Variants in SNX29 observed in about 807,000 individuals in gnomAD.
SNX29 encodes the protein sorting nexin-29.
In SNX29, 78 loss-of-function variants were observed where a neutral mutation model predicts 102.1. The ratio of observed to expected loss-of-function variants is 0.76; its 90% CI spans 0.64 to 0.92. The LOEUF is 0.92. Among genes scored for constraint, SNX29 ranks in the 40% least tolerant of loss-of-function variants. The pLI, the probability that SNX29 is intolerant of heterozygous loss-of-function variation, is 0.00. For synonymous variants in SNX29, 580 were observed against 414.5 expected (o/e 1.40, Z -4.85); for missense variants, 1,280 against 1,061.7 (o/e 1.21, Z -2.86).
At chr16:12,455,950 G>A (rs2086519662) in intron 18 of SNX29, among the ~76,000 whole-genome samples, 1 of 152,144 alleles carries the variant, frequency 6.6e-6, no homozygotes, top group Admixed American at 6.5e-5. Context: ...GCTCCTAGGG[G>A]TTTCCATCTT....
At chr16:12,491,052 A>T (rs531926212) in intron 19 of SNX29, among the ~76,000 whole-genome samples, 1 of 152,360 alleles carries the variant, frequency 6.6e-6, no homozygotes, top group African/African-American at 2.4e-5. Flanking sequence ...GTTCTTCACC[A>T]ATATCACATT....
intron 19 of SNX29, among the ~76,000 whole-genome samples, chr16:12,508,774 C>T (rs957573521): frequency 6.6e-6 from 1 of 152,094 alleles, no homozygotes; most frequent in Non-Finnish European, 1.5e-5. Flanking sequence ...AATGCCACGC[C>T]ACCTTCTCTC....
At chr16:12,147,657 G>A (rs1380219174) in intron 13 of SNX29, among the ~76,000 whole-genome samples, 1 of 152,220 alleles carries the variant, frequency 6.6e-6, no homozygotes, top group Non-Finnish European at 1.5e-5. Flanking sequence ...GCCGCAGCCC[G>A]TGGCTCAGTT....
At position 12,529,942 on chromosome 16, in the gene SNX29, C is replaced by G. The variant is rs146347473; in HGVS notation, c.2318+5101C>G. ...CAAAGTCCTCAGCGTTACCCAGTTGCCAGTAAGGAGTGGTGATGCCATGCA... is the reference window on the plus strand; with the variant it reads ...CAAAGTCCTCAGCGTTACCCAGTTGGCAGTAAGGAGTGGTGATGCCATGCA... On this transcript the variant is annotated intron_variant, in intron 20 of 20. Coordinates refer to ENST00000566228, the MANE Select transcript of SNX29 (RefSeq NM_032167.5). Among the ~76,000 whole-genome samples, 455 of 152,288 alleles carry G rather than the reference C, an allele frequency of 3.0e-3. 4 individuals carry two copies. Among genetic ancestry groups the G allele is most frequent in the African/African-American group, 0.011 (439 of 41,540 alleles).
intron 16 of SNX29, among the ~76,000 whole-genome samples, chr16:12,384,936 C>T (rs190902063): frequency 2.0e-5 from 3 of 152,196 alleles, no homozygotes; most frequent in Admixed American, 6.5e-5. Flanking sequence ...TTTGGGAGGC[C>T]GAGGCAGGTG....
chr16:12,439,293 C>A (rs1296277195), intron 18 of SNX29, among the ~76,000 whole-genome samples: 7 of 152,216 alleles, frequency 4.6e-5, no homozygotes, highest in Non-Finnish European at 8.8e-5. Flanking sequence ...CACCTAAGAG[C>A]CACTGGAAGT....
intron 13 of SNX29, among the ~76,000 whole-genome samples, chr16:12,180,586 C>G (rs2076360815): frequency 6.6e-6 from 1 of 152,050 alleles, no homozygotes; most frequent in African/African-American, 2.4e-5. Flanking sequence ...CGGGTTCACG[C>G]CATTCTCCTG....
At chr16:12,321,041 C>T (rs941159925) in intron 15 of SNX29, among the ~76,000 whole-genome samples, 2 of 152,182 alleles carry the variant, frequency 1.3e-5, no homozygotes, top group African/African-American at 4.8e-5. Context: ...TCCTCACCCT[C>T]CTCATCTAGC....
At chr16:12,422,816 A>G (rs771918407) in intron 18 of SNX29, among the ~76,000 whole-genome samples, 5 of 152,180 alleles carry the variant, frequency 3.3e-5, no homozygotes, top group South Asian at 2.1e-4. Context: ...CAGTCTGACA[A>G]TTTCACTTTT....
intron 20 of SNX29, among the ~76,000 whole-genome samples, chr16:12,552,058 C>T (rs943733316): frequency 3.3e-5 from 5 of 150,640 alleles, no homozygotes; most frequent in Admixed American, 1.3e-4. Flanking sequence ...ATTTTTGGGG[C>T]ACTGAATCTC....
intron 3 of SNX29, among the ~76,000 whole-genome samples, chr16:12,021,604 C>T (rs1231922050): frequency 3.3e-5 from 5 of 152,120 alleles, no homozygotes; most frequent in African/African-American, 7.2e-5. Flanking sequence ...AAATATAGGA[C>T]AGGCTGGGCT....
At chr16:12,332,399 C>G (rs2081316379) in intron 15 of SNX29, among the ~76,000 whole-genome samples, 1 of 152,168 alleles carries the variant, frequency 6.6e-6, no homozygotes, top group Non-Finnish European at 1.5e-5. Flanking sequence ...CTGGGTTGCT[C>G]ATTTGCTAGT....
chr16:12,189,344 C>T (rs539282407), intron 13 of SNX29, among the ~76,000 whole-genome samples: 16 of 152,174 alleles, frequency 1.1e-4, no homozygotes, highest in African/African-American at 3.6e-4. Flanking sequence ...CATGTCTGTT[C>T]GGGCTAGAAC....
At chr16:12,546,120 C>G (rs188642627) in intron 20 of SNX29, among the ~76,000 whole-genome samples, 1 of 152,162 alleles carries the variant, frequency 6.6e-6, no homozygotes, top group East Asian at 1.9e-4. Context: ...AATGTATTCT[C>G]CCCATCCACA....
chr16:12,542,065 A>G (rs917783873), intron 20 of SNX29, among the ~76,000 whole-genome samples: 1 of 151,810 alleles, frequency 6.6e-6, no homozygotes, highest in Non-Finnish European at 1.5e-5. Context: ...ATTCCTAGTC[A>G]CCAGTTAGTC....
intron 18 of SNX29, among the ~76,000 whole-genome samples, chr16:12,436,780 AGTAGCTGG>A (rs1417755263): frequency 6.6e-6 from 1 of 152,224 alleles, no homozygotes; most frequent in Non-Finnish European, 1.5e-5. Flanking sequence ...CAGCCTCCCT[AGTAGCTGG>A]GATTACAGGT....
At position 12,256,085 on chromosome 16, in the gene SNX29, A is replaced by G. The variant is rs146005510; in HGVS notation, c.1679-21848A>G. Among the ~76,000 whole-genome samples, 11 of 152,296 alleles carry G rather than the reference A, an allele frequency of 7.2e-5. No individual in the cohort carries two copies. The East Asian group carries it at 1.4e-3, about 19-fold the overall frequency. On this transcript the variant is annotated intron_variant, in intron 14 of 20. Transcript: ENST00000566228. ...GCCATCTTAACAGGTGTGAGGTGCT[A>G]TCTCATTGTGGTTTTGATTTGCATT...
intron 18 of SNX29, among the ~76,000 whole-genome samples, chr16:12,417,002 G>C (rs2084662386): frequency 6.6e-6 from 1 of 152,198 alleles, no homozygotes; most frequent in Admixed American, 6.5e-5. Context: ...CATTTATGGA[G>C]CCCCTGCTGT....
intron 18 of SNX29, among the ~76,000 whole-genome samples, chr16:12,425,361 ATCAGAG>A (rs1224890737): frequency 6.6e-6 from 1 of 151,902 alleles, no homozygotes; most frequent in East Asian, 1.9e-4. Flanking sequence ...ATGCCATAAG[ATCAGAG>A]TGCCCCTGAG....
Sources: allele counts gnomAD v4.1 joint callset (sites outside exome capture counted in the v4.1 genomes callset), GRCh38; gene constraint gnomAD v4.1.1; transcripts MANE v1.5; gene names NCBI Gene and HGNC (gene_info 2026-07-23, HGNC 2026-07-21).